The following CTNND2 variants were observed in gnomAD, a reference collection of about 807,000 sequenced individuals.
CTNND2 encodes the protein catenin delta 2.
In CTNND2, 22 loss-of-function variants were observed where a neutral mutation model predicts 144.4. That is an observed-to-expected ratio of 0.15 (90% confidence interval 0.11 to 0.22). CTNND2 has a LOEUF of 0.22. Among genes scored for constraint, CTNND2 ranks in the 10% least tolerant of loss-of-function variants. The pLI, the probability that CTNND2 is intolerant of heterozygous loss-of-function variation, is 1.00. For missense variants in CTNND2, 1,353 were observed against 1,618.8 expected (o/e 0.84, Z 2.82); for synonymous variants, 751 against 695.6 (o/e 1.08, Z -1.25).
chr5:11,066,378 T>C (rs1038728500), intron 16 of CTNND2, among the ~76,000 whole-genome samples: 3 of 152,312 alleles, frequency 2.0e-5, no homozygotes, highest in Non-Finnish European at 4.4e-5. Context: ...TTCCTTCCTA[T>C]TGATCCCAGG....
chr5:11,286,491 G>A (rs763276570), intron 9 of CTNND2, among the ~76,000 whole-genome samples: 4 of 152,192 alleles, frequency 2.6e-5, no homozygotes, highest in South Asian at 4.1e-4. Context: ...ATGAATAGCC[G>A]ATATGGGACC....
chr5:11,683,992 A>AG (rs1339416570), intron 2 of CTNND2, among the ~76,000 whole-genome samples: 1 of 152,276 alleles, frequency 6.6e-6, no homozygotes, highest in African/African-American at 2.4e-5. Flanking sequence ...TCCAGGGAAG[A>AG]GAATAAAAAG....
intron 13 of CTNND2, among the ~76,000 whole-genome samples, chr5:11,113,017 T>C (rs1753162648): frequency 6.6e-6 from 1 of 152,116 alleles, no homozygotes; most frequent in East Asian, 1.9e-4. Flanking sequence ...GGCGGGCACC[T>C]GTAGTCCCAG....
chr5:11,059,059 T>G (rs948479875), intron 16 of CTNND2, among the ~76,000 whole-genome samples: 2 of 152,366 alleles, frequency 1.3e-5, no homozygotes, highest in East Asian at 3.9e-4. Flanking sequence ...GGACTTGCCT[T>G]GTCTCAGATG....
chr5:11,894,939 T>C (rs2126314008), intron 1 of CTNND2, among the ~76,000 whole-genome samples: 1 of 152,278 alleles, frequency 6.6e-6, no homozygotes, highest in Middle Eastern at 3.4e-3. Context: ...CTATGATTTG[T>C]GGATCAATTA....
chr5:11,729,483 C>T (rs1354875192), intron 2 of CTNND2, among the ~76,000 whole-genome samples: 1 of 152,046 alleles, frequency 6.6e-6, no homozygotes, highest in Non-Finnish European at 1.5e-5. Context: ...ATGTAATTTC[C>T]TTTCTAAAAT....
chr5:11,174,640 A>C (rs1245518412), intron 11 of CTNND2, among the ~76,000 whole-genome samples: 1 of 152,164 alleles, frequency 6.6e-6, no homozygotes, highest in Non-Finnish European at 1.5e-5. Context: ...GGGTTGATTG[A>C]GGACAAATAA....
chr5:11,421,229 G>A (rs1245345257), intron 3 of CTNND2, among the ~76,000 whole-genome samples: 5 of 152,178 alleles, frequency 3.3e-5, no homozygotes, highest in Non-Finnish European at 7.3e-5. Context: ...GAAAGTGGTA[G>A]CTCCAGTTCT....
chr5:11,771,192 C>CTTTTTTTTTTTTT lies in CTNND2; in HGVS notation c.38-38933_38-38921dup, dbSNP rs34686102. 3.3e-3 allele frequency among the ~76,000 whole-genome samples: 340 copies of CTTTTTTTTTTTTT among 103,768 alleles called. 23 individuals carry two copies. The highest frequency in any genetic ancestry group is 5.1e-3 in the Non-Finnish European group (287 of 56,198). The allele number at this position is 103,768 out of a possible 152,430, so 68.1% of individuals were successfully genotyped here. ...CTCTATCATGAACCCACATTGTTAGCTTTTTTTTTTTTTTTTTGGGATGGA... is the reference window on the plus strand; with the variant it reads ...CTCTATCATGAACCCACATTGTTAGCTTTTTTTTTTTTTTTTTTTTTTTTTTTTTTGGGATGGA... On this transcript the variant is annotated intron_variant, in intron 1 of 21. Coordinates refer to ENST00000304623, the MANE Select transcript of CTNND2 (RefSeq NM_001332.4).
At chr5:11,664,761 A>C (rs1203053572) in intron 2 of CTNND2, among the ~76,000 whole-genome samples, 1 of 152,144 alleles carries the variant, frequency 6.6e-6, no homozygotes, top group African/African-American at 2.4e-5. Flanking sequence ...TCCTCCATGG[A>C]TACTTATCAG....
chr5:11,418,484 T>C (rs1282612044), intron 3 of CTNND2, among the ~76,000 whole-genome samples: 1 of 152,164 alleles, frequency 6.6e-6, no homozygotes, highest in Non-Finnish European at 1.5e-5. Flanking sequence ...TCTGCTAAAA[T>C]TGAAGCAAGA....
At chr5:11,324,437 G>T (rs1417978936) in intron 9 of CTNND2, among the ~76,000 whole-genome samples, 1 of 152,138 alleles carries the variant, frequency 6.6e-6, no homozygotes, top group African/African-American at 2.4e-5. Context: ...GTGCATTTTA[G>T]TAAGCCATCA....
intron 2 of CTNND2, among the ~76,000 whole-genome samples, chr5:11,658,294 T>C (rs771046762): frequency 3.3e-5 from 5 of 152,074 alleles, no homozygotes; most frequent in Non-Finnish European, 7.4e-5. Context: ...TACATAAACC[T>C]CGTCCAAGTA....
At chr5:11,041,802 C>G (rs1937355477) in intron 16 of CTNND2, among the ~76,000 whole-genome samples, 3 of 152,136 alleles carry the variant, frequency 2.0e-5, no homozygotes, top group African/African-American at 7.2e-5. Context: ...TACTTCTATG[C>G]AGGTCTGGGG....
chr5:11,091,151 T>C (rs922615241), intron 15 of CTNND2, among the ~76,000 whole-genome samples: 9 of 152,176 alleles, frequency 5.9e-5, no homozygotes, highest in African/African-American at 1.7e-4. Context: ...TGTCTACATA[T>C]AGCGGGTGCC....
chr5:11,541,058 G>T (rs1774685537), intron 3 of CTNND2, among the ~76,000 whole-genome samples: 1 of 152,134 alleles, frequency 6.6e-6, no homozygotes, highest in Non-Finnish European at 1.5e-5. Context: ...CAAAGCCCGG[G>T]ATGCACAGGC....
intron 2 of CTNND2, among the ~76,000 whole-genome samples, chr5:11,650,106 G>A (rs1028975754): frequency 5.3e-5 from 8 of 152,172 alleles, no homozygotes; most frequent in African/African-American, 1.9e-4. Context: ...CAATGTTGGA[G>A]GAGGGGCCTG....
chr5:11,112,851 A>G (rs1304352250), intron 13 of CTNND2, among the ~76,000 whole-genome samples: 3 of 152,146 alleles, frequency 2.0e-5, no homozygotes, highest in Non-Finnish European at 4.4e-5. Flanking sequence ...TATTAACAGT[A>G]TCATGTACAG....
chr5:10,999,548 T>C (rs1209779200), intron 18 of CTNND2, among the ~76,000 whole-genome samples: 2 of 152,182 alleles, frequency 1.3e-5, no homozygotes, highest in African/African-American at 4.8e-5. Flanking sequence ...CTATTGATGA[T>C]AAAGAACTCT....
Sources: allele counts gnomAD v4.1 joint callset (sites outside exome capture counted in the v4.1 genomes callset), GRCh38; gene constraint gnomAD v4.1.1; transcripts MANE v1.5; gene names NCBI Gene and HGNC (gene_info 2026-07-23, HGNC 2026-07-21).